GABRB3: variants seen among roughly 807,000 people sequenced by gnomAD.
The protein encoded by GABRB3 is gamma-aminobutyric acid receptor subunit beta-3.
GABRB3 carries 14 observed loss-of-function variants against 52.1 expected under a neutral mutation model. That is an observed-to-expected ratio of 0.27 (90% CI 0.18 to 0.42). GABRB3 has a LOEUF of 0.42. GABRB3 is among the 10% of genes least tolerant of loss of function. GABRB3 has a pLI of 1.00. For synonymous variants in GABRB3, 260 were observed against 232.3 expected, an observed-to-expected ratio of 1.12 and a Z score of -1.08; for missense variants, 307 against 609.1, an observed-to-expected ratio of 0.50 and a Z score of 5.22.
intron 3 of GABRB3, among the ~76,000 whole-genome samples, chr15:26,692,996 T>C (rs1888632287): frequency 6.6e-6 from 1 of 152,172 alleles, no homozygotes. Context: ...GGAGAATATA[T>C]GCAAAAATTA....
chr15:26,715,527 G>C (rs890471874), intron 3 of GABRB3, among the ~76,000 whole-genome samples: 12 of 152,122 alleles, frequency 7.9e-5, no homozygotes, highest in Non-Finnish European at 1.2e-4. Flanking sequence ...TAAGTGCCGA[G>C]GCAGGAACGA....
At chr15:26,679,464 C>A (rs1417079300) in intron 3 of GABRB3, among the ~76,000 whole-genome samples, 1 of 152,168 alleles carries the variant, frequency 6.6e-6, no homozygotes, top group Non-Finnish European at 1.5e-5. Flanking sequence ...GATGTGGTGT[C>A]TATTATACAT....
At chr15:26,659,541 TA>T (rs1326006452) in intron 3 of GABRB3, among the ~76,000 whole-genome samples, 1 of 151,792 alleles carries the variant, frequency 6.6e-6, no homozygotes, top group Non-Finnish European at 1.5e-5. Context: ...AATAAATAAG[TA>T]AATAAATAAA....
chr15:26,726,925 C>A (rs564450814), intron 3 of GABRB3, among the ~76,000 whole-genome samples: 54 of 152,240 alleles, frequency 3.5e-4, no homozygotes, highest in Middle Eastern at 3.4e-3. Flanking sequence ...CTTTGGGAGA[C>A]CGAGGCAGGC....
At chr15:26,572,112 G>A (rs537704551) in intron 6 of GABRB3, among the ~76,000 whole-genome samples, 5 of 151,374 alleles carry the variant, frequency 3.3e-5, no homozygotes, top group African/African-American at 7.3e-5. Flanking sequence ...GGTATCCGGC[G>A]CATGCCCCAC....
chr15:26,726,144 T>A lies in GABRB3; in HGVS notation c.240+46258A>T, dbSNP rs1889765724. Among the ~76,000 whole-genome samples the A allele has an allele frequency of 4.0e-5, 6 of 149,922 alleles. No homozygotes were observed. The South Asian group carries it at 1.1e-3, about 27-fold the overall frequency. On this transcript the variant is annotated intron_variant, in intron 3 of 8. Coordinates refer to ENST00000311550, the MANE Select transcript of GABRB3 (RefSeq NM_000814.6). ...CCCTTGGGGATACTGAACTGTACAT[T>A]GTGTGCCTGCATTTTGACTGCAGCC...
At chr15:26,682,961 G>A (rs1483253597) in intron 3 of GABRB3, among the ~76,000 whole-genome samples, 1 of 152,160 alleles carries the variant, frequency 6.6e-6, no homozygotes, top group East Asian at 1.9e-4. Flanking sequence ...TGGCCTGAAT[G>A]GCTGTTGGCC....
intron 6 of GABRB3, among the ~76,000 whole-genome samples, chr15:26,570,911 T>A (rs1890369192): frequency 6.6e-6 from 1 of 152,166 alleles, no homozygotes; most frequent in Admixed American, 6.5e-5. Context: ...GTAATTTTTT[T>A]TATATACTAC....
intron 4 of GABRB3, among the ~76,000 whole-genome samples, chr15:26,586,477 G>A (rs1261369429): frequency 6.6e-6 from 1 of 150,520 alleles, no homozygotes; most frequent in Non-Finnish European, 1.5e-5. Flanking sequence ...CATGTGCAGT[G>A]GTCACATTAT....
At chr15:26,740,626 G>A (rs1201833927) in intron 3 of GABRB3, among the ~76,000 whole-genome samples, 3 of 152,162 alleles carry the variant, frequency 2.0e-5, no homozygotes, top group Non-Finnish European at 4.4e-5. Context: ...ACCCCAGGAA[G>A]CCTCCCTGTC....
At chr15:26,583,072 C>T (rs1321331852) in intron 5 of GABRB3, among the ~76,000 whole-genome samples, 2 of 152,070 alleles carry the variant, frequency 1.3e-5, no homozygotes, top group Non-Finnish European at 2.9e-5. Flanking sequence ...TCGGTGTTTG[C>T]TCTCCTCTCA....
chr15:26,772,265 T>G, intron 3 of GABRB3, 137 bp downstream of exon 3: 3 of 713,756 alleles, frequency 4.2e-6, no homozygotes, highest in Non-Finnish European at 6.7e-6. Flanking sequence ...GGCCGGCGCC[T>G]GGGAGCGCGG....
At chr15:26,733,611 T>C (rs1889988888) in intron 3 of GABRB3, among the ~76,000 whole-genome samples, 1 of 152,182 alleles carries the variant, frequency 6.6e-6, no homozygotes, top group Admixed American at 6.5e-5. Context: ...CCCATTGATG[T>C]TTTATGCAGA....
chr15:26,687,555 C>T (rs1888446235), intron 3 of GABRB3, among the ~76,000 whole-genome samples: 1 of 152,120 alleles, frequency 6.6e-6, no homozygotes, highest in Admixed American at 6.6e-5. Flanking sequence ...ATTCCTTCCT[C>T]TCTTCCCTTT....
chr15:26,717,801 T>A (rs565383736), intron 3 of GABRB3, among the ~76,000 whole-genome samples: 104 of 152,324 alleles, frequency 6.8e-4, no homozygotes, highest in African/African-American at 2.3e-3. Flanking sequence ...GTCAGTCTGG[T>A]ATTTGGCGTT....
intron 3 of GABRB3, among the ~76,000 whole-genome samples, chr15:26,682,459 C>T (rs943171494): frequency 1.5e-4 from 23 of 152,180 alleles, no homozygotes; most frequent in African/African-American, 5.5e-4. Context: ...TGACATAACC[C>T]CATGCAGGAT....
chr15:26,770,394 T>G (rs1891113487), intron 3 of GABRB3, among the ~76,000 whole-genome samples: 1 of 152,248 alleles, frequency 6.6e-6, no homozygotes, highest in Admixed American at 6.5e-5. Context: ...ACTTAAAGAT[T>G]GTTCAATACA....
rs140545171 is a variant in GABRB3 at position 26,693,749 on chromosome 15, C to T, written c.241-72215G>A. On this transcript the variant is annotated intron_variant, in intron 3 of 8. Transcript: ENST00000311550. Reference sequence around the variant, plus strand: ...ATAGCTCACTAAGAGGGGAAACTGCCGCTGTAGCCAGCAACTGTTGGGAAA... The same window carrying T: ...ATAGCTCACTAAGAGGGGAAACTGCTGCTGTAGCCAGCAACTGTTGGGAAA... Among the ~76,000 whole-genome samples, 10 of 152,154 alleles carry T rather than the reference C, an allele frequency of 6.6e-5. No individual in the cohort carries two copies. The East Asian group carries it at 1.5e-3, about 24-fold the overall frequency.
At chr15:26,723,726 T>C (rs2051834311) in intron 3 of GABRB3, among the ~76,000 whole-genome samples, 1 of 152,136 alleles carries the variant, frequency 6.6e-6, no homozygotes, top group African/African-American at 2.4e-5. Flanking sequence ...GAGGAACACA[T>C]AGGTAAACAG....
Sources: gnomAD v4.1 joint callset for allele counts (sites outside exome capture counted in the v4.1 genomes callset) on GRCh38, gnomAD v4.1.1 for gene constraint, MANE v1.5 for transcripts, NCBI Gene and HGNC (gene_info 2026-07-23, HGNC 2026-07-21) for gene names.